The following GAREM1 variants were observed in gnomAD, a reference collection of about 807,000 sequenced individuals.
GAREM1 encodes GRB2 associated regulator of MAPK1 subtype 1, also known as GRB2-associated and regulator of MAPK protein 1.
A neutral mutation model predicts 71.3 loss-of-function variants in GAREM1; 26 were observed. That is an observed-to-expected ratio of 0.36 (90% CI 0.27 to 0.51). The LOEUF is 0.51. GAREM1 is among the 20% of genes least tolerant of loss of function. The pLI is 0.95. For synonymous variants in GAREM1, 440 were observed against 433.2 expected, an observed-to-expected ratio of 1.02 and a Z score of -0.20; for missense variants, 1,026 against 1,103.1, an observed-to-expected ratio of 0.93 and a Z score of 0.99.
intron 2 of GAREM1, among the ~76,000 whole-genome samples, chr18:32,347,289 A>C (rs2047705853): frequency 1.3e-5 from 2 of 152,174 alleles, no homozygotes; most frequent in African/African-American, 4.8e-5. Flanking sequence ...CACTTGAGCC[A>C]GGAGTTCGAG....
intron 2 of GAREM1, among the ~76,000 whole-genome samples, chr18:32,355,647 A>G (rs1165603483): frequency 1.3e-5 from 2 of 152,226 alleles, no homozygotes; most frequent in Non-Finnish European, 2.9e-5. Context: ...GTTTATAAAT[A>G]CGGGGGAACT....
chr18:32,421,786 C>A (rs1411520514), intron 1 of GAREM1, among the ~76,000 whole-genome samples: 2 of 152,028 alleles, frequency 1.3e-5, no homozygotes, highest in African/African-American at 4.8e-5. Context: ...TCCTTCCCTT[C>A]TTAACAGTCT....
At chr18:32,356,395 A>G (rs2047805371) in intron 2 of GAREM1, among the ~76,000 whole-genome samples, 1 of 152,192 alleles carries the variant, frequency 6.6e-6, no homozygotes, top group Non-Finnish European at 1.5e-5. Flanking sequence ...TCGCTATCAC[A>G]AAGACAAACA....
intron 2 of GAREM1, among the ~76,000 whole-genome samples, chr18:32,321,747 C>A (rs1406238915): frequency 6.6e-6 from 1 of 152,160 alleles, no homozygotes; most frequent in Non-Finnish European, 1.5e-5. Flanking sequence ...TGATCAAATC[C>A]TTTCTGTCTC....
At position 32,267,776 on chromosome 18, in the gene GAREM1, GT is replaced by G; in HGVS notation, c.*94del. ...TCTCTTATCCCTATTTACAGAGAAG[GT>G]TTTTAGTGCAAAAACATGAAATTGT... On this transcript the variant is annotated 3_prime_UTR_variant, in exon 6 of 6. Coordinates refer to ENST00000269209, the MANE Select transcript of GAREM1 (RefSeq NM_001242409.2). 2.0e-6 allele frequency: 2 copies of G among 998,078 alleles called. No individual in the cohort carries two copies. The highest frequency in any genetic ancestry group is 3.0e-6 in the Non-Finnish European group (2 of 676,182). 61.8% of individuals were successfully genotyped at this position (998,078 alleles called of 1,614,324 possible).
chr18:32,271,567 T>C (rs538887168), intron 4 of GAREM1, among the ~76,000 whole-genome samples: 38 of 152,230 alleles, frequency 2.5e-4, no homozygotes, highest in Admixed American at 9.8e-4. Flanking sequence ...TGACCCAGGG[T>C]GGGGCCTGGG....
At chr18:32,296,310 G>A (rs1376587391) in intron 3 of GAREM1, among the ~76,000 whole-genome samples, 1 of 152,204 alleles carries the variant, frequency 6.6e-6, no homozygotes, top group South Asian at 2.1e-4. Context: ...TACAAAGGCA[G>A]TACAGAAAGT....
intron 1 of GAREM1, among the ~76,000 whole-genome samples, chr18:32,434,650 C>T (rs941424514): frequency 4.6e-5 from 7 of 151,290 alleles, no homozygotes; most frequent in African/African-American, 1.7e-4. Context: ...ATTAATAATA[C>T]AAATAAGGAA....
Position 32,426,592 on chromosome 18 carries a change from T to C in GAREM1, c.122-33557A>G, listed in dbSNP as rs140477373. Among the ~76,000 whole-genome samples the C allele has an allele frequency of 2.3e-4, 35 of 152,324 alleles. 1 individual carries two copies. Among genetic ancestry groups the C allele is most frequent in the African/African-American group, 7.7e-4 (32 of 41,574 alleles). On this transcript the variant is annotated intron_variant, in intron 1 of 5. Transcript: ENST00000269209. ...ACATCTCCAAGTACATCTCTAAATGTATCACTACCATTTTCTTTTTCTATA... is the reference window on the plus strand; with the variant it reads ...ACATCTCCAAGTACATCTCTAAATGCATCACTACCATTTTCTTTTTCTATA...
intron 2 of GAREM1, among the ~76,000 whole-genome samples, chr18:32,364,087 T>C (rs1380257213): frequency 7.5e-6 from 1 of 133,544 alleles, no homozygotes; most frequent in African/African-American, 2.8e-5. Context: ...CAGGCTGGAG[T>C]GCAGTGGTGC....
At chr18:32,378,019 T>C (rs1268097667) in intron 2 of GAREM1, among the ~76,000 whole-genome samples, 1 of 137,908 alleles carries the variant, frequency 7.3e-6, no homozygotes, top group African/African-American at 2.8e-5. Context: ...TAACTGTGTG[T>C]GTGTGTGTGT....
In GAREM1 at chr18:32,457,224, A is replaced by AGTGTGTGTGTGTGT. The variant is rs1309543369; in HGVS notation, c.121+13083_121+13084insACACACACACACAC. On this transcript the variant is annotated intron_variant, in intron 1 of 5. Coordinates refer to ENST00000269209, the MANE Select transcript of GAREM1 (RefSeq NM_001242409.2). ...TAGGGGGGGAGAGAGAGAGAGAGAG[A>AGTGTGTGTGTGTGT]GAGTGTGTGTGTGTGTGTGTGTGTG... Among the ~76,000 whole-genome samples the AGTGTGTGTGTGTGT allele has an allele frequency of 4.5e-4, 48 of 107,398 alleles. 1 individual carries two copies. The highest frequency in any genetic ancestry group is 1.0e-3 in the South Asian group (3 of 2,904). 70.5% of individuals were successfully genotyped at this position (107,398 alleles called of 152,430 possible).
At chr18:32,358,898 T>A (rs780268103) in intron 2 of GAREM1, among the ~76,000 whole-genome samples, 7 of 152,212 alleles carry the variant, frequency 4.6e-5, no homozygotes, top group African/African-American at 7.2e-5. Context: ...TTCTCTCTTG[T>A]GCCTAAATTA....
chr18:32,397,432 A>G (rs4597393), intron 1 of GAREM1, among the ~76,000 whole-genome samples: 37,498 of 152,002 alleles, frequency 0.25, 5,729 homozygotes, highest in African/African-American at 0.44. Flanking sequence ...GACACACATA[A>G]GCTCAAAATA....
intron 1 of GAREM1, among the ~76,000 whole-genome samples, chr18:32,429,675 G>C (rs1337579027): frequency 6.6e-6 from 1 of 152,134 alleles, no homozygotes; most frequent in South Asian, 2.1e-4. Context: ...CTATGTTTCC[G>C]GCTTAGGTGC....
chr18:32,267,650 T>C lies in GAREM1; in HGVS notation c.*221A>G. The C allele has an allele frequency of 2.2e-6, 1 of 444,656 alleles. No individual in the cohort carries two copies. Among genetic ancestry groups the C allele is most frequent in the Non-Finnish European group, 3.9e-6 (1 of 253,346 alleles). The allele number at this position is 444,656 out of a possible 1,614,324, so 27.5% of individuals were successfully genotyped here. ...TAGCAGCTGCTGAGTGTTTGTTGAG[T>C]GACGTACAAGGCACACCTCCAAGTG... is the stretch of plus-strand genomic sequence containing the variant. On this transcript the variant is annotated 3_prime_UTR_variant, in exon 6 of 6. Transcript: ENST00000269209.
chr18:32,393,118 A>G, intron 1 of GAREM1, 83 bp from the exon 2 acceptor site: 9 of 1,344,632 alleles, frequency 6.7e-6, no homozygotes, highest in Non-Finnish European at 9.3e-6. Context: ...CATTAGTTAA[A>G]ACTTGACTAA....
Position 32,470,606 on chromosome 18 carries a change from C to T in GAREM1, c.-178G>A. On this transcript the variant is annotated 5_prime_UTR_variant, in exon 1 of 6. Coordinates refer to ENST00000269209, the MANE Select transcript of GAREM1 (RefSeq NM_001242409.2). The surrounding 1 kb of genome is among the most constrained non-coding windows in gnomAD (Gnocchi z 4.4). ...GGGCGGCCCGGAGGGAGGGGGCCGG[C>T]GCCCGGCTCAGCTGCCGCTGCGGGG... The T allele has an allele frequency of 4.5e-6, 1 of 220,412 alleles. No individual in the cohort carries two copies. Among genetic ancestry groups the T allele is most frequent in the Non-Finnish European group, 7.5e-6 (1 of 133,058 alleles). 13.7% of individuals were successfully genotyped at this position (220,412 alleles called of 1,614,324 possible).
At chr18:32,381,486 T>C (rs1281306660) in intron 2 of GAREM1, among the ~76,000 whole-genome samples, 1 of 152,234 alleles carries the variant, frequency 6.6e-6, no homozygotes, top group East Asian at 1.9e-4. Context: ...CAGAATTATC[T>C]TTTGCTCCCT....
Sources: gnomAD v4.1 joint callset for allele counts (sites outside exome capture counted in the v4.1 genomes callset) on GRCh38, gnomAD v4.1.1 for gene constraint, Gnocchi (gnomAD v3.1) non-coding constraint, MANE v1.5 for transcripts, NCBI Gene and HGNC (gene_info 2026-07-23, HGNC 2026-07-21) for gene names.